Variants in ZRANB1 observed in about 807,000 individuals in gnomAD.
ZRANB1 encodes ubiquitin thioesterase ZRANB1.
A neutral mutation model predicts 80.5 loss-of-function variants in ZRANB1; 16 were observed. The ratio of observed to expected loss-of-function variants is 0.20; its 90% CI spans 0.13 to 0.30. The LOEUF (loss-of-function observed/expected upper bound fraction) is 0.30, where lower values mean the gene tolerates loss of function less well. ZRANB1 is among the 10% of genes least tolerant of loss of function. ZRANB1 has a pLI of 1.00. For synonymous variants in ZRANB1, 291 were observed against 293.1 expected (o/e 0.99, Z 0.07); for missense variants, 576 against 862.6 (o/e 0.67, Z 4.16).
At chr10:124,938,841 G>A (rs1054025650), upstream of ZRANB1, among the ~76,000 whole-genome samples, 2 of 151,938 alleles carry the variant, frequency 1.3e-5, no homozygotes, top group Non-Finnish European at 2.9e-5. Context: ...TGAGTAGCTG[G>A]GACTATAGGC....
At chr10:124,930,648 A>G in the ZRANB1 span, among the ~76,000 whole-genome samples, 8 of 152,236 alleles carry the variant, frequency 5.3e-5, no homozygotes, top group African/African-American at 1.7e-4. Context: ...GTACATTTCT[A>G]TGCTTTAGTG....
upstream of ZRANB1, among the ~76,000 whole-genome samples, chr10:124,938,334 TTTTTC>T (rs1360990593): frequency 6.6e-6 from 1 of 151,966 alleles, no homozygotes; most frequent in African/African-American, 2.4e-5. Context: ...TTCAATGAAT[TTTTTC>T]TTTTCTTTTT....
intron 5 of ZRANB1, among the ~76,000 whole-genome samples, chr10:124,974,719 A>T (rs564569578): frequency 6.6e-6 from 1 of 152,368 alleles, no homozygotes; most frequent in Admixed American, 6.5e-5. Context: ...TTTCAAATGC[A>T]GCATTTCAAG....
rs1385646544 is a variant in ZRANB1 at position 124,966,696 on chromosome 10, C to T, written c.917C>T (p.Pro306Leu). 2 of 1,614,138 alleles carry T rather than the reference C, an allele frequency of 1.2e-6. No individual in the cohort carries two copies. Among genetic ancestry groups the T allele is most frequent in the African/African-American group, 1.3e-5 (1 of 75,012 alleles). ...TADEVRLLNR[P>L]SAFDVGYTLV... ...GATGAAGTACGCTTGCTGAATCGTC[C>T]TTCTGCCTTTGATGTTGGCTATACT... is the stretch of plus-strand genomic sequence containing the variant. The change falls in exon 2 of 9, where the codon CCT becomes CTT. Residue 306 changes from proline to leucine, a missense_variant. Around this residue, in one of 3 missense-constraint regions of ZRANB1, gnomAD observed 411 missense variants for 583.1 expected, o/e 0.70. Coordinates refer to ENST00000359653, the MANE Select transcript of ZRANB1 (RefSeq NM_017580.3).
chr10:124,981,847 C>T lies in ZRANB1; in HGVS notation c.1548+18C>T. 6.2e-7 allele frequency: 1 copy of T among 1,611,994 alleles called. No homozygotes were observed. Among genetic ancestry groups the T allele is most frequent in the Non-Finnish European group, 8.5e-7 (1 of 1,179,340 alleles). On this transcript the variant is annotated intron_variant, in intron 6 of 8. Coordinates refer to ENST00000359653, the MANE Select transcript of ZRANB1 (RefSeq NM_017580.3). ...CTAGTCAGGTGAGGATGCTTCAAGT[C>T]TTGTTGCTTCTATGAGAAAAGTAAG...
chr10:124,954,152 T>TTTG (rs1564958854), intron 1 of ZRANB1, among the ~76,000 whole-genome samples: 2 of 140,684 alleles, frequency 1.4e-5, no homozygotes, highest in Non-Finnish European at 3.1e-5. Flanking sequence ...TTTTTTTTTT[T>TTTG]TTTTTTTTTT....
At chr10:124,948,579 T>G (rs1272934495) in intron 1 of ZRANB1, among the ~76,000 whole-genome samples, 2 of 152,000 alleles carry the variant, frequency 1.3e-5, no homozygotes, top group Non-Finnish European at 2.9e-5. Flanking sequence ...CCTGGATTGC[T>G]CTCCACCTTC....
chr10:124,939,169 G>A (rs1163608394), upstream of ZRANB1, among the ~76,000 whole-genome samples: 1 of 151,362 alleles, frequency 6.6e-6, no homozygotes, highest in Non-Finnish European at 1.5e-5. Context: ...AAGTGAGACT[G>A]TCTCAACAAC....
upstream of ZRANB1, chr10:124,940,459 G>A (rs896401048): frequency 3.2e-5 from 40 of 1,263,352 alleles, no homozygotes; most frequent in Non-Finnish European, 3.5e-5. Context: ...GCATGAAGAC[G>A]GAATCTTGTC....
At position 124,985,072 on chromosome 10, in the gene ZRANB1, C is replaced by T. The variant is rs771476009; in HGVS notation, c.*80C>T. On this transcript the variant is annotated 3_prime_UTR_variant, in exon 9 of 9. Coordinates refer to ENST00000359653, the MANE Select transcript of ZRANB1 (RefSeq NM_017580.3). ...GTTAGTGTGGTGCTCCAAGCAGAGT[C>T]GACATCATGGAATGAACCAAATCTG... 1.3e-5 allele frequency: 15 copies of T among 1,174,468 alleles called. No homozygotes were observed. The highest frequency in any genetic ancestry group is 3.1e-5 in the African/African-American group (2 of 65,358). The allele number at this position is 1,174,468 out of a possible 1,614,324, so 72.8% of individuals were successfully genotyped here. A position where few individuals can be genotyped will look rare whatever the true frequency, so the allele number is the denominator to read the frequency against.
At chr10:124,958,936 A>C (rs1951708184) in intron 1 of ZRANB1, among the ~76,000 whole-genome samples, 1 of 152,188 alleles carries the variant, frequency 6.6e-6, no homozygotes, top group Non-Finnish European at 1.5e-5. Context: ...CGGCCTCCCC[A>C]AATTGCTGGG....
At chr10:124,920,706 T>A in the ZRANB1 span, among the ~76,000 whole-genome samples, 1 of 152,046 alleles carries the variant, frequency 6.6e-6, no homozygotes, top group Non-Finnish European at 1.5e-5. Context: ...TTGACTACTT[T>A]AACCCAAGGG....
At chr10:124,969,261 C>T (rs1317315115) in intron 2 of ZRANB1, among the ~76,000 whole-genome samples, 3 of 152,084 alleles carry the variant, frequency 2.0e-5, no homozygotes, top group South Asian at 2.1e-4. Flanking sequence ...TGCTGTATTC[C>T]GTGGGACGTG....
the ZRANB1 span, among the ~76,000 whole-genome samples, chr10:124,935,765 G>GT: frequency 6.6e-6 from 1 of 152,178 alleles, no homozygotes; most frequent in Non-Finnish European, 1.5e-5. Context: ...CTCTTCTTGG[G>GT]TTTTACTAAA....
At chr10:124,920,328 G>C in the ZRANB1 span, among the ~76,000 whole-genome samples, 538 of 152,182 alleles carry the variant, frequency 3.5e-3, 2 homozygotes, top group African/African-American at 0.012. Flanking sequence ...TCATTGATTT[G>C]GTATTCGATT....
At chr10:124,917,170 G>C in the ZRANB1 span, 1 of 171,796 alleles carries the variant, frequency 5.8e-6, no homozygotes, top group Non-Finnish European at 1.2e-5. Context: ...GGCTGCGCGG[G>C]GAGTCGCCGC....
At chr10:124,964,948 TTAAA>T (rs1282633576) in intron 1 of ZRANB1, among the ~76,000 whole-genome samples, 1 of 152,206 alleles carries the variant, frequency 6.6e-6, no homozygotes, top group Admixed American at 6.5e-5. Flanking sequence ...TAATTGTTCA[TTAAA>T]TAATTTAAGC....
the ZRANB1 span, among the ~76,000 whole-genome samples, chr10:124,923,154 G>C: frequency 6.6e-6 from 1 of 151,990 alleles, no homozygotes; most frequent in Non-Finnish European, 1.5e-5. Flanking sequence ...GGGCATGGTG[G>C]TGCACACCTG....
chr10:124,984,419 T>C (rs537802957), intron 8 of ZRANB1: 184 of 200,536 alleles, frequency 9.2e-4, no homozygotes, highest in Non-Finnish European at 1.3e-3. Flanking sequence ...ACTTGTATAA[T>C]TTCAGCTTGT....
Sources: allele counts gnomAD v4.1 joint callset (sites outside exome capture counted in the v4.1 genomes callset), GRCh38; gene constraint gnomAD v4.1.1; regional missense constraint gnomAD v4.1.1; transcripts MANE v1.5; gene names NCBI Gene and HGNC (gene_info 2026-07-23, HGNC 2026-07-21).